The following DLG2 variants were observed in gnomAD, a reference collection of about 807,000 sequenced individuals.
DLG2 encodes the protein disks large homolog 2.
Under a neutral mutation model 132.5 loss-of-function variants are expected in DLG2, and 45 were observed. That is an observed-to-expected ratio of 0.34 (90% CI 0.27 to 0.44). The LOEUF (loss-of-function observed/expected upper bound fraction) is 0.44, where lower values mean the gene tolerates loss of function less well. Ranked by LOEUF, DLG2 falls within the 20% of genes least tolerant of loss-of-function variation. The pLI is 1.00. For missense variants in DLG2, 1,045 were observed against 1,196.9 expected (o/e 0.87, Z 1.87); for synonymous variants, 424 against 419.6 (o/e 1.01, Z -0.13).
At chr11:84,378,861 G>T (rs528375911) in intron 7 of DLG2, among the ~76,000 whole-genome samples, 5 of 151,678 alleles carry the variant, frequency 3.3e-5, no homozygotes, top group Non-Finnish European at 7.4e-5. Context: ...AGAAAAAATC[G>T]TTTGAACCCG....
intron 7 of DLG2, among the ~76,000 whole-genome samples, chr11:84,478,722 T>A (rs183592663): frequency 6.6e-6 from 1 of 152,076 alleles, no homozygotes; most frequent in African/African-American, 2.4e-5. Context: ...GAATGGTCTT[T>A]AAAACACAGT....
At chr11:83,633,743 A>AACACACACACACACACACAC (rs35932645) in intron 18 of DLG2, among the ~76,000 whole-genome samples, 2 of 143,202 alleles carry the variant, frequency 1.4e-5, no homozygotes, top group African/African-American at 2.6e-5. Context: ...CACAGAACTA[A>AACACACACACACACACACAC]ACACACACAC....
At chr11:85,089,108 C>T (rs1232036751) in intron 6 of DLG2, among the ~76,000 whole-genome samples, 1 of 152,126 alleles carries the variant, frequency 6.6e-6, no homozygotes, top group East Asian at 1.9e-4. Flanking sequence ...CTTTTGTATA[C>T]TCAGTAAACT....
intron 3 of DLG2, among the ~76,000 whole-genome samples, chr11:85,319,596 A>G (rs1454954230): frequency 6.6e-6 from 1 of 151,858 alleles, no homozygotes; most frequent in Non-Finnish European, 1.5e-5. Flanking sequence ...CTCATGGTAT[A>G]AAAAGATATC....
intron 10 of DLG2, among the ~76,000 whole-genome samples, chr11:84,070,517 G>C (rs1360996957): frequency 6.6e-6 from 1 of 152,180 alleles, no homozygotes; most frequent in Non-Finnish European, 1.5e-5. Context: ...ATTTAACAAT[G>C]CTGGATTTGA....
intron 6 of DLG2, among the ~76,000 whole-genome samples, chr11:84,728,933 G>T (rs1051749059): frequency 2.0e-5 from 3 of 152,062 alleles, no homozygotes; most frequent in Non-Finnish European, 2.9e-5. Context: ...GATCAGTGAG[G>T]GTAGCCCCTA....
In DLG2 at chr11:85,067,997, A is replaced by T. The variant is rs142667026; in HGVS notation, c.357+43664T>A. On this transcript the variant is annotated intron_variant, in intron 6 of 27. Coordinates refer to ENST00000376104, the MANE Select transcript of DLG2 (RefSeq NM_001142699.3). ...CCCTGGGACGCAAGGCTGTTTCAACATATGCAAATCAATAAACGTAACCCA... is the reference window on the plus strand; with the variant it reads ...CCCTGGGACGCAAGGCTGTTTCAACTTATGCAAATCAATAAACGTAACCCA... Among the ~76,000 whole-genome samples the T allele has an allele frequency of 7.1e-3, 1,086 of 152,254 alleles. 12 individuals carry two copies. The highest frequency in any genetic ancestry group is 0.025 in the African/African-American group (1,033 of 41,572).
chr11:84,962,157 A>G (rs1236584567), intron 6 of DLG2, among the ~76,000 whole-genome samples: 10 of 152,210 alleles, frequency 6.6e-5, no homozygotes. Context: ...CTCTCACACA[A>G]TCCTTAACTA....
chr11:84,633,216 T>C (rs1430105756), intron 6 of DLG2, among the ~76,000 whole-genome samples: 1 of 152,192 alleles, frequency 6.6e-6, no homozygotes, highest in African/African-American at 2.4e-5. Context: ...AAGTTCAGAC[T>C]TCTCAGCATA....
chr11:84,365,514 AGTTC>A (rs1200452774), intron 7 of DLG2, among the ~76,000 whole-genome samples: 1 of 151,458 alleles, frequency 6.6e-6, no homozygotes, highest in Non-Finnish European at 1.5e-5. Flanking sequence ...TATTTCCTTC[AGTTC>A]TGCTCTGATT....
At chr11:84,884,965 G>A (rs1159330794) in intron 6 of DLG2, among the ~76,000 whole-genome samples, 3 of 152,062 alleles carry the variant, frequency 2.0e-5, no homozygotes, top group African/African-American at 7.2e-5. Flanking sequence ...CTGCCCATTA[G>A]CCATTAACAT....
intron 6 of DLG2, chr11:84,546,437 A>G (rs1228258819): frequency 4.5e-6 from 1 of 222,932 alleles, no homozygotes; most frequent in African/African-American, 2.3e-5. Flanking sequence ...AGCCAATTAA[A>G]CCTCTTTTCC....
At chr11:83,579,862 C>T (rs904396818) in intron 19 of DLG2, among the ~76,000 whole-genome samples, 2 of 151,386 alleles carry the variant, frequency 1.3e-5, no homozygotes, top group Non-Finnish European at 1.5e-5. Flanking sequence ...CCCAGCTACT[C>T]GGGAGGCTGA....
At chr11:83,684,339 C>T (rs2079349470) in intron 18 of DLG2, 1 of 152,130 alleles carries the variant, frequency 6.6e-6, no homozygotes, top group Admixed American at 6.5e-5. Context: ...TGTAATGTTG[C>T]AGGATATGCA....
chr11:84,493,469 C>G (rs1304572030), intron 7 of DLG2, among the ~76,000 whole-genome samples: 1 of 152,050 alleles, frequency 6.6e-6, no homozygotes, highest in Admixed American at 6.6e-5. Context: ...CCAACCAGCC[C>G]CTGCCTGAAT....
At chr11:84,778,223 A>G (rs915937032) in intron 6 of DLG2, among the ~76,000 whole-genome samples, 4 of 152,094 alleles carry the variant, frequency 2.6e-5, no homozygotes, top group African/African-American at 2.4e-5. Flanking sequence ...CCTTTTCCCA[A>G]TGTATGTTCT....
chr11:85,374,965 A>AACACAC (rs550374938), intron 3 of DLG2, among the ~76,000 whole-genome samples: 1 of 150,834 alleles, frequency 6.6e-6, no homozygotes, highest in African/African-American at 2.4e-5. Flanking sequence ...TTATTCAGCA[A>AACACAC]ACACACACAC....
At chr11:84,466,924 AG>A (rs2099095950) in intron 7 of DLG2, among the ~76,000 whole-genome samples, 2 of 151,400 alleles carry the variant, frequency 1.3e-5, no homozygotes, top group African/African-American at 4.8e-5. Context: ...TATAAAAGCA[AG>A]AAATTTTAAG....
At chr11:85,260,707 C>G (rs772687294) in intron 4 of DLG2, among the ~76,000 whole-genome samples, 12 of 152,186 alleles carry the variant, frequency 7.9e-5, no homozygotes, top group Admixed American at 3.9e-4. Flanking sequence ...CTCTCTTGGC[C>G]ATTCTGGTCA....
Sources: gnomAD v4.1 joint callset for allele counts (sites outside exome capture counted in the v4.1 genomes callset) on GRCh38, gnomAD v4.1.1 for gene constraint, MANE v1.5 for transcripts, NCBI Gene and HGNC (gene_info 2026-07-23, HGNC 2026-07-21) for gene names.